RTN1: variants seen among roughly 807,000 people sequenced by gnomAD.
RTN1 encodes reticulon 1.
Under a neutral mutation model 65.5 loss-of-function variants are expected in RTN1, and 25 were observed. The ratio of observed to expected loss-of-function variants is 0.38; its 90% CI spans 0.28 to 0.53. RTN1 has a LOEUF of 0.53. Among genes scored for constraint, RTN1 ranks in the 20% least tolerant of loss-of-function variants. The pLI is 0.79. For synonymous variants in RTN1, 471 were observed against 447.6 expected (o/e 1.05, Z -0.66); for missense variants, 983 against 1,025.4 (o/e 0.96, Z 0.57).
At chr14:59,861,476 A>C (rs1887708670) in intron 1 of RTN1, among the ~76,000 whole-genome samples, 1 of 152,228 alleles carries the variant, frequency 6.6e-6, no homozygotes, top group Non-Finnish European at 1.5e-5. Flanking sequence ...GACTAATACA[A>C]GTAATAATGT....
chr14:59,671,394 T>A (rs1468591051), intron 3 of RTN1, among the ~76,000 whole-genome samples: 1 of 152,186 alleles, frequency 6.6e-6, no homozygotes, highest in Non-Finnish European at 1.5e-5. Context: ...GAAGATTACT[T>A]GTAACTCATA....
At chr14:59,609,180 G>A (rs1299652890) in intron 3 of RTN1, among the ~76,000 whole-genome samples, 1 of 152,050 alleles carries the variant, frequency 6.6e-6, no homozygotes, top group African/African-American at 2.4e-5. Flanking sequence ...AGCGACTCGG[G>A]AGGCTGAGGC....
At chr14:59,607,695 G>A (rs1881807728) in intron 3 of RTN1, 1 of 591,266 alleles carries the variant, frequency 1.7e-6, no homozygotes, top group South Asian at 2.0e-5. Context: ...CCACCCTTGA[G>A]GATAATTCAC....
chr14:59,689,217 T>C (rs1399129437), intron 3 of RTN1, among the ~76,000 whole-genome samples: 1 of 152,128 alleles, frequency 6.6e-6, no homozygotes, highest in Non-Finnish European at 1.5e-5. Flanking sequence ...AGAATTTCAG[T>C]GCGTGAAGAC....
intron 3 of RTN1, among the ~76,000 whole-genome samples, chr14:59,725,645 G>GA (rs992319360): frequency 1.5e-4 from 23 of 152,182 alleles, no homozygotes; most frequent in Middle Eastern, 3.2e-3. Context: ...GGGAAGTCAA[G>GA]AGTCAATTAT....
intron 3 of RTN1, chr14:59,610,126 T>C: frequency 1.3e-6 from 1 of 777,486 alleles, no homozygotes; most frequent in South Asian, 1.4e-5. Context: ...TTATACCTGG[T>C]AGAAATGGCA....
intron 3 of RTN1, among the ~76,000 whole-genome samples, chr14:59,696,971 C>G (rs1285279460): frequency 6.6e-6 from 1 of 152,110 alleles, no homozygotes; most frequent in African/African-American, 2.4e-5. Flanking sequence ...ATTGCAGTGG[C>G]ATTGTCAACT....
intron 3 of RTN1, among the ~76,000 whole-genome samples, chr14:59,609,328 C>A (rs1428779635): frequency 7.1e-6 from 1 of 141,722 alleles, no homozygotes. Flanking sequence ...TAATCCTTTT[C>A]TTTTTTTTTT....
chr14:59,615,127 A>C (rs112420053), intron 3 of RTN1, among the ~76,000 whole-genome samples: 9,205 of 152,288 alleles, frequency 0.06, 361 homozygotes, highest in Non-Finnish European at 0.088. Flanking sequence ...TATTTAAAAG[A>C]AATTATTTAG....
intron 3 of RTN1, among the ~76,000 whole-genome samples, chr14:59,690,679 C>T (rs775972441): frequency 1.3e-5 from 2 of 151,934 alleles, no homozygotes; most frequent in African/African-American, 2.4e-5. Context: ...CAAGACTGAC[C>T]ACATGTTTGG....
intron 1 of RTN1, among the ~76,000 whole-genome samples, chr14:59,823,939 T>G (rs1268861446): frequency 6.6e-6 from 1 of 152,226 alleles, no homozygotes; most frequent in African/African-American, 2.4e-5. Context: ...GATCCAGTAT[T>G]TCTCAGAGAT....
chr14:59,770,903 C>T (rs1885943996), intron 1 of RTN1, among the ~76,000 whole-genome samples: 1 of 152,056 alleles, frequency 6.6e-6, no homozygotes, highest in Non-Finnish European at 1.5e-5. Context: ...AAAAATTAGC[C>T]AGGCATGGTG....
intron 3 of RTN1, among the ~76,000 whole-genome samples, chr14:59,643,473 C>T (rs1566670535): frequency 6.6e-6 from 1 of 152,218 alleles, no homozygotes; most frequent in East Asian, 1.9e-4. Context: ...CCGCGTTGGC[C>T]TCCCAAAGTG....
At chr14:59,645,487 C>T (rs545054534) in intron 3 of RTN1, among the ~76,000 whole-genome samples, 4 of 152,186 alleles carry the variant, frequency 2.6e-5, no homozygotes, top group Non-Finnish European at 4.4e-5. Flanking sequence ...TATCTCCTCA[C>T]TGGGCAGGTT....
chr14:59,760,225 G>T (rs965971672), intron 1 of RTN1, among the ~76,000 whole-genome samples: 33 of 152,130 alleles, frequency 2.2e-4, no homozygotes, highest in Non-Finnish European at 3.2e-4. Flanking sequence ...AAAGTAAGTT[G>T]CAGAATATGT....
In RTN1 at chr14:59,723,602, C is replaced by T. The variant is rs113310490; in HGVS notation, c.1765+3317G>A. Among the ~76,000 whole-genome samples the T allele has an allele frequency of 1.3e-4, 20 of 151,788 alleles. 1 individual carries two copies. The highest frequency in any genetic ancestry group is 4.4e-4 in the African/African-American group (18 of 41,378). On this transcript the variant is annotated intron_variant, in intron 3 of 8. Coordinates refer to ENST00000267484, the MANE Select transcript of RTN1 (RefSeq NM_021136.3). Reference sequence around the variant, plus strand: ...CTGCACTCCAGCCTGGGCAACAGAGCGAGACTCCGTCTCAAAATAAATAAA... The same window carrying T: ...CTGCACTCCAGCCTGGGCAACAGAGTGAGACTCCGTCTCAAAATAAATAAA...
At chr14:59,854,137 G>A (rs932947194) in intron 1 of RTN1, among the ~76,000 whole-genome samples, 1 of 151,954 alleles carries the variant, frequency 6.6e-6, no homozygotes, top group Non-Finnish European at 1.5e-5. Context: ...AGGATTACAG[G>A]CGTGAGCCAC....
At chr14:59,695,483 G>T (rs916540680) in intron 3 of RTN1, among the ~76,000 whole-genome samples, 4 of 152,118 alleles carry the variant, frequency 2.6e-5, no homozygotes, top group Non-Finnish European at 4.4e-5. Context: ...AGGACAGCAT[G>T]TCCTAGACAG....
chr14:59,847,474 T>C (rs1308307976), intron 1 of RTN1, among the ~76,000 whole-genome samples: 2 of 152,222 alleles, frequency 1.3e-5, no homozygotes, highest in African/African-American at 2.4e-5. Flanking sequence ...TCCTTTTAAG[T>C]GTTAAAATTA....
Sources: allele counts gnomAD v4.1 joint callset (sites outside exome capture counted in the v4.1 genomes callset), GRCh38; gene constraint gnomAD v4.1.1; transcripts MANE v1.5; gene names NCBI Gene and HGNC (gene_info 2026-07-23, HGNC 2026-07-21).